The following TRAK1 variants were observed in gnomAD, a reference collection of about 807,000 sequenced individuals.
TRAK1 encodes trafficking kinesin protein 1, also known as trafficking kinesin-binding protein 1.
A neutral mutation model predicts 92.1 loss-of-function variants in TRAK1; 33 were observed. The ratio of observed to expected loss-of-function variants is 0.36; its 90% CI spans 0.27 to 0.48. TRAK1 has a LOEUF of 0.48. TRAK1 is among the 20% of genes least tolerant of loss of function. The probability of loss-of-function intolerance (pLI) is 0.99; values close to 1 mark genes in which losing one functional copy is unlikely to be tolerated. For missense variants in TRAK1, 1,123 were observed against 1,257.9 expected (o/e 0.89, Z 1.62); for synonymous variants, 521 against 517.3 (o/e 1.01, Z -0.10).
intron 2 of TRAK1, chr3:42,160,450 A>G: frequency 3.1e-6 from 5 of 1,614,196 alleles, no homozygotes; most frequent in Non-Finnish European, 4.2e-6. Context: ...AGGCAGCATG[A>G]CACCCAGGAC....
At chr3:42,017,292 CAG>C (rs1312020377) in intron 1 of TRAK1, among the ~76,000 whole-genome samples, 1 of 152,054 alleles carries the variant, frequency 6.6e-6, no homozygotes, top group Non-Finnish European at 1.5e-5. Context: ...AAAATGGACT[CAG>C]ATTTATTTAA....
At chr3:42,221,643 T>A (rs1710362182) in intron 15 of TRAK1, among the ~76,000 whole-genome samples, 1 of 152,156 alleles carries the variant, frequency 6.6e-6, no homozygotes, top group Admixed American at 6.5e-5. Flanking sequence ...CTAGGGACCA[T>A]GCAGCTGACC....
chr3:42,219,394 G>T, intron 14 of TRAK1, 100 bp from the exon 15 acceptor site: 1 of 1,599,556 alleles, frequency 6.3e-7, no homozygotes. Flanking sequence ...TAACAAGGTA[G>T]CTCATCACTT....
chr3:42,030,374 T>A (rs28491668), intron 1 of TRAK1, among the ~76,000 whole-genome samples: 377 of 32,276 alleles, frequency 0.012, 3 homozygotes, highest in Middle Eastern at 0.074. Context: ...AAAAAAAAAA[T>A]ATATATATAT....
At chr3:42,174,107 A>G (rs781238686) in intron 2 of TRAK1, among the ~76,000 whole-genome samples, 1 of 151,896 alleles carries the variant, frequency 6.6e-6, no homozygotes, top group Non-Finnish European at 1.5e-5. Flanking sequence ...GCTCACTGCA[A>G]CCTCCACCTC....
intron 2 of TRAK1, among the ~76,000 whole-genome samples, chr3:42,172,028 A>C (rs1702627622): frequency 6.6e-6 from 1 of 152,096 alleles, no homozygotes; most frequent in Non-Finnish European, 1.5e-5. Flanking sequence ...CTCTCTGATC[A>C]GCCAGCCCAG....
intron 2 of TRAK1, among the ~76,000 whole-genome samples, chr3:42,128,348 T>C (rs1710853941): frequency 1.3e-5 from 2 of 152,326 alleles, no homozygotes; most frequent in South Asian, 4.1e-4. Flanking sequence ...AAATAAACAT[T>C]GAGCAGAGAT....
chr3:42,223,681 C>G lies in TRAK1; in HGVS notation c.2806C>G (p.Leu936Val), dbSNP rs1199805109. ...SSMQMKAPVT[L>V]TSGILMGAKL... ...CATGCAGATGAAAGCTCCTGTGACT[C>G]TCACCTCGGGCATCTTGATGGGTGC... is the stretch of plus-strand genomic sequence containing the variant. The change falls in exon 16 of 16, where the codon CTC (leucine) becomes GTC (valine). Residue 936 changes from leucine (L) to valine (V), a missense_variant. Physicochemically the swap from Leu to Val is conservative, Grantham distance 32. Coordinates refer to ENST00000327628, the MANE Select transcript of TRAK1 (RefSeq NM_001042646.3). The surrounding 1 kb of genome is among the most constrained non-coding windows in gnomAD (Gnocchi z 6.1). The G allele has an allele frequency of 1.9e-6, 3 of 1,613,968 alleles. No individual in the cohort carries two copies. The highest frequency in any genetic ancestry group is 1.7e-5 in the Admixed American group (1 of 60,022).
At position 42,201,883 on chromosome 3, in the gene TRAK1, GACACACACACACACACAC is replaced by G. The variant is rs56336064; in HGVS notation, c.1428-522_1428-505del. On this transcript the variant is annotated intron_variant, in intron 12 of 15. Coordinates refer to ENST00000327628, the MANE Select transcript of TRAK1 (RefSeq NM_001042646.3). The stretch of plus-strand genomic sequence containing the variant: ...GGACGGACGGACGGACGGACAGACG[GACACACACACACACACAC>G]ACACACACACACACACACACACACA... 7.4e-4 allele frequency among the ~76,000 whole-genome samples: 93 copies of G among 125,180 alleles called. 1 individual carries two copies. The South Asian group carries it at 9.7e-3, about 13-fold the overall frequency. 82.1% of individuals were successfully genotyped at this position (125,180 alleles called of 152,430 possible). A position where few individuals can be genotyped will look rare whatever the true frequency, so the allele number is the denominator to read the frequency against.
At position 42,075,535 on chromosome 3, in the gene TRAK1, C is replaced by G. The variant is rs572777694; in HGVS notation, c.-518-11569C>G. Among the ~76,000 whole-genome samples, 4 of 152,222 alleles carry G rather than the reference C, an allele frequency of 2.6e-5. No individual in the cohort carries two copies. The East Asian group carries it at 7.7e-4, about 29-fold the overall frequency. On this transcript the variant is annotated intron_variant, in intron 1 of 16. Transcript: ENST00000487159. Reference sequence around the variant, plus strand: ...GGGATTGTTGCGTTGAATGGTAGTTCTATTTTAAATTCTTTGATAAATCTC... The same window carrying G: ...GGGATTGTTGCGTTGAATGGTAGTTGTATTTTAAATTCTTTGATAAATCTC...
chr3:42,070,552 C>G lies in TRAK1; in HGVS notation c.-518-16552C>G, dbSNP rs530321758. ...AAGCAATACTCCCATCTCAGCCTCT[C>G]AAGTAGCTGGGACCACAGGTGCGCA... On this transcript the variant is annotated intron_variant, in intron 1 of 16. Transcript: ENST00000487159. Among the ~76,000 whole-genome samples, 5 of 152,228 alleles carry G rather than the reference C, an allele frequency of 3.3e-5. No individual in the cohort carries two copies. In the East Asian group the frequency reaches 7.7e-4, roughly 24 times the overall value.
At chr3:42,217,127 T>A in intron 14 of TRAK1, 5 of 219,192 alleles carry the variant, frequency 2.3e-5, no homozygotes, top group Non-Finnish European at 3.8e-5. Context: ...TAGAACTTGC[T>A]CTCTTCCTGC....
intron 2 of TRAK1, among the ~76,000 whole-genome samples, 172 bp downstream of exon 2, chr3:42,125,786 A>C (rs1226839881): frequency 6.6e-6 from 1 of 152,228 alleles, no homozygotes; most frequent in African/African-American, 2.4e-5. Context: ...TCCCAATTTT[A>C]AATGTTCTGA....
chr3:42,148,639 C>T (rs1218334760), intron 2 of TRAK1, among the ~76,000 whole-genome samples: 2 of 152,164 alleles, frequency 1.3e-5, no homozygotes, highest in Non-Finnish European at 2.9e-5. Flanking sequence ...CATGAAACAG[C>T]ATATTGTACT....
intron 15 of TRAK1, chr3:42,221,815 C>T (rs536054526): frequency 1.3e-5 from 2 of 152,282 alleles, no homozygotes; most frequent in African/African-American, 4.8e-5. Context: ...ATCCCTGTAG[C>T]AGCTGTTAAA....
chr3:42,083,800 G>A (rs1704540506), upstream of TRAK1, among the ~76,000 whole-genome samples: 1 of 152,082 alleles, frequency 6.6e-6, no homozygotes. Context: ...AGCCCGGGAG[G>A]TCAAGGCTGC....
chr3:42,181,270 G>A (rs1398974846), intron 3 of TRAK1, among the ~76,000 whole-genome samples: 3 of 152,152 alleles, frequency 2.0e-5, no homozygotes, highest in Admixed American at 1.3e-4. Context: ...AAGGCCGGGC[G>A]CAGTGGCTCA....
intron 2 of TRAK1, among the ~76,000 whole-genome samples, chr3:42,154,351 T>C (rs939025309): frequency 8.5e-5 from 13 of 152,130 alleles, no homozygotes; most frequent in African/African-American, 2.9e-4. Context: ...TTTTGTGTTT[T>C]TAGTAGAGAT....
chr3:42,221,559 T>C (rs1710349752), intron 15 of TRAK1, among the ~76,000 whole-genome samples: 1 of 152,090 alleles, frequency 6.6e-6, no homozygotes. Flanking sequence ...TCCCATTCCC[T>C]CCTTTGGTGC....
Sources: gnomAD v4.1 joint callset for allele counts (sites outside exome capture counted in the v4.1 genomes callset) on GRCh38, gnomAD v4.1.1 for gene constraint, Gnocchi (gnomAD v3.1) non-coding constraint, MANE v1.5 for transcripts, NCBI Gene and HGNC (gene_info 2026-07-23, HGNC 2026-07-21) for gene names.